The following SCYL3 variants were observed in gnomAD, a reference collection of about 807,000 sequenced individuals.
SCYL3 encodes the protein protein-associating with the carboxyl-terminal domain of ezrin.
SCYL3 carries 35 observed loss-of-function variants against 73.8 expected under a neutral mutation model. The ratio of observed to expected loss-of-function variants is 0.47; its 90% CI spans 0.36 to 0.63. The LOEUF is 0.63. Ranked by LOEUF, SCYL3 falls within the 20% of genes least tolerant of loss-of-function variation. The probability of loss-of-function intolerance (pLI) is 0.00; values close to 1 mark genes in which losing one functional copy is unlikely to be tolerated. For missense variants in SCYL3, 712 were observed against 798.9 expected, an observed-to-expected ratio of 0.89 and a Z score of 1.31; for synonymous variants, 277 against 295.2, an observed-to-expected ratio of 0.94 and a Z score of 0.63.
chr1:169,894,075 G>A (rs559352011), upstream of SCYL3: 1 of 152,410 alleles, frequency 6.6e-6, no homozygotes, highest in Non-Finnish European at 1.5e-5. Context: ...TGGGCGCCGC[G>A]ACGATACCGA....
intron 12 of SCYL3, chr1:169,853,978 C>T: frequency 6.4e-6 from 4 of 628,602 alleles, no homozygotes; most frequent in Non-Finnish European, 1.1e-5. Context: ...TTTTCAAAAA[C>T]CATAAAATCC....
intron 1 of SCYL3, among the ~76,000 whole-genome samples, chr1:169,891,268 A>C (rs1004607093): frequency 1.8e-4 from 28 of 152,250 alleles, no homozygotes; most frequent in South Asian, 1.5e-3. Context: ...TAAAAAGCAA[A>C]CACTGGGACC....
At chr1:169,855,816 T>C in intron 11 of SCYL3, 1 of 1,613,736 alleles carries the variant, frequency 6.2e-7, no homozygotes, top group Non-Finnish European at 8.5e-7. Flanking sequence ...AAGAGTATTG[T>C]AGTAATCTCG....
intron 2 of SCYL3, among the ~76,000 whole-genome samples, chr1:169,886,659 G>A (rs183279389): frequency 9.8e-4 from 149 of 152,134 alleles, no homozygotes; most frequent in African/African-American, 2.8e-3. Context: ...AACCAAATTC[G>A]GGCTTAGAAT....
intron 3 of SCYL3, among the ~76,000 whole-genome samples, chr1:169,878,218 A>G (rs140359535): frequency 1.3e-5 from 2 of 152,334 alleles, no homozygotes; most frequent in East Asian, 3.9e-4. Context: ...TTCCTAAGAA[A>G]TGGTCATTTC....
intron 11 of SCYL3, chr1:169,855,795 C>T (rs773173863): frequency 1.2e-6 from 2 of 1,610,828 alleles, no homozygotes; most frequent in Non-Finnish European, 1.7e-6. Flanking sequence ...AATATTTCTA[C>T]CTGTCTGTAA....
chr1:169,849,793 G>A lies in SCYL3; in HGVS notation c.*3920C>T, dbSNP rs573637651. On this transcript the variant is annotated 3_prime_UTR_variant, in exon 13 of 13. Coordinates refer to ENST00000367771, the MANE Select transcript of SCYL3 (RefSeq NM_020423.7). ...GGCTTAGATAAATGAAGTGAATTTC[G>A]TAAGGTCCTCTGAATAAACAAGGAC... 4.0e-5 allele frequency: 23 copies of A among 576,226 alleles called. No individual in the cohort carries two copies. Among genetic ancestry groups the A allele is most frequent in the East Asian group, 3.5e-4 (12 of 33,928 alleles). The allele number at this position is 576,226 out of a possible 1,614,324, so 35.7% of individuals were successfully genotyped here.
Position 169,876,092 on chromosome 1 carries a change from C to T in SCYL3, c.352-1G>A. ...AGACATTATTGTGTGTTAGGTGTCC[C>T]TGGAAAAAAAAAAGAACAGAAGGAA... On this transcript the variant is annotated splice_acceptor_variant, in intron 3 of 12. Transcript: ENST00000367771. LOFTEE classifies it high-confidence loss of function. The T allele has an allele frequency of 6.5e-7, 1 of 1,545,846 alleles. No individual in the cohort carries two copies. Among genetic ancestry groups the T allele is most frequent in the Non-Finnish European group, 8.7e-7 (1 of 1,145,516 alleles).
intron 8 of SCYL3, 146 bp downstream of exon 8, chr1:169,866,750 G>T (rs1438483225): frequency 6.6e-6 from 4 of 601,674 alleles, no homozygotes; most frequent in East Asian, 6.1e-5. Flanking sequence ...CCCCACCAGG[G>T]CCTAGCAGAA....
Position 169,854,952 on chromosome 1 carries a change from G to C in SCYL3, c.1325C>G (p.Ser442Cys). ...TDLSLEGDPF[S>C]QPIKFPINGL... ...ATTTATGGGAAATTTAATAGGCTGA[G>C]AAAATGGATCGCCTGTAGGGAAAAT... The change falls in exon 12 of 13, where the codon TCT becomes TGT. Residue 442 changes from serine to cysteine, a missense_variant. Ser to Cys is a moderately radical substitution (Grantham distance 112). Coordinates refer to ENST00000367771, the MANE Select transcript of SCYL3 (RefSeq NM_020423.7). 6.2e-7 allele frequency: 1 copy of C among 1,604,454 alleles called. No individual in the cohort carries two copies. Among genetic ancestry groups the C allele is most frequent in the Non-Finnish European group, 8.5e-7 (1 of 1,174,970 alleles).
chr1:169,866,834 A>G (rs1660061710), intron 8 of SCYL3, 62 bp downstream of exon 8: 8 of 914,702 alleles, frequency 8.7e-6, no homozygotes, highest in African/African-American at 1.7e-5. Flanking sequence ...TAGAATACCT[A>G]AAGTGATTAT....
chr1:169,892,601 T>C (rs936415345), intron 1 of SCYL3, among the ~76,000 whole-genome samples: 11 of 152,218 alleles, frequency 7.2e-5, no homozygotes, highest in Non-Finnish European at 1.6e-4. Flanking sequence ...TATCCCGTAA[T>C]AGGTATTTCG....
Position 169,851,686 on chromosome 1 carries a change from G to T in SCYL3, c.*2027C>A. ...CCAGATTATACTAAGAGTATTTATA[G>T]ATCAGTCCATGTGACTTCCAGAATT... is the stretch of plus-strand genomic sequence containing the variant. On this transcript the variant is annotated 3_prime_UTR_variant, in exon 13 of 13. Transcript: ENST00000367771. The T allele has an allele frequency of 1.0e-6, 1 of 995,688 alleles. No homozygotes were observed. Among genetic ancestry groups the T allele is most frequent in the Non-Finnish European group, 1.5e-6 (1 of 665,800 alleles). The allele number at this position is 995,688 out of a possible 1,614,324, so 61.7% of individuals were successfully genotyped here.
At chr1:169,871,502 GA>G (rs1441665177) in intron 5 of SCYL3, among the ~76,000 whole-genome samples, 1 of 152,214 alleles carries the variant, frequency 6.6e-6, no homozygotes, top group Non-Finnish European at 1.5e-5. Flanking sequence ...TCAGCAGCGT[GA>G]AAACAGAGTA....
At chr1:169,881,412 T>C (rs1661248345) in intron 2 of SCYL3, among the ~76,000 whole-genome samples, 1 of 152,210 alleles carries the variant, frequency 6.6e-6, no homozygotes, top group African/African-American at 2.4e-5. Context: ...CCTTAAACAT[T>C]TGTCTTTTCT....
At chr1:169,864,253 C>G (rs761933555) in intron 9 of SCYL3, 116 bp downstream of exon 9, 24 of 1,361,732 alleles carry the variant, frequency 1.8e-5, no homozygotes, top group Non-Finnish European at 2.0e-5. Flanking sequence ...AACAATTGTT[C>G]TCCGTTTTTA....
chr1:169,855,022 T>C (rs1034929017), intron 11 of SCYL3, 58 bp from the exon 12 acceptor site: 75 of 1,249,890 alleles, frequency 6.0e-5, no homozygotes, highest in Middle Eastern at 4.2e-4. Context: ...ACTACACTTA[T>C]GGGAAGGATA....
At chr1:169,860,439 G>A (rs887343472) in intron 10 of SCYL3, among the ~76,000 whole-genome samples, 2 of 152,224 alleles carry the variant, frequency 1.3e-5, no homozygotes, top group African/African-American at 4.8e-5. Flanking sequence ...GAAGCAGCAG[G>A]GCGTGACAGG....
rs3834012 is a variant in SCYL3 at position 169,851,648 on chromosome 1, AG to A, written c.*2064del. On this transcript the variant is annotated 3_prime_UTR_variant, in exon 13 of 13. Coordinates refer to ENST00000367771, the MANE Select transcript of SCYL3 (RefSeq NM_020423.7). ...ACTATTTTGTAAGGAAGAACACAGT[AG>A]AGTGATTTAATCCAGATTATACTAA... 184 of 751,732 alleles carry A rather than the reference AG, an allele frequency of 2.4e-4. 1 individual carries two copies. In the East Asian group the frequency reaches 5.0e-3, roughly 20 times the overall value. 46.6% of individuals were successfully genotyped at this position (751,732 alleles called of 1,614,324 possible).
Sources: gnomAD v4.1 joint callset for allele counts (sites outside exome capture counted in the v4.1 genomes callset) on GRCh38, gnomAD v4.1.1 for gene constraint, MANE v1.5 for transcripts, NCBI Gene and HGNC (gene_info 2026-07-23, HGNC 2026-07-21) for gene names.